The following THADA variants were observed in gnomAD, a reference collection of about 807,000 sequenced individuals.
The protein encoded by THADA is THADA armadillo repeat containing.
A neutral mutation model predicts 219.8 loss-of-function variants in THADA; 213 were observed. That is an observed-to-expected ratio of 0.97 (90% CI 0.87 to 1.09). The LOEUF is 1.09. Among genes scored for constraint, THADA ranks in the 50% least tolerant of loss-of-function variants. The probability of loss-of-function intolerance (pLI) is 0.00; values close to 1 mark genes in which losing one functional copy is unlikely to be tolerated. For synonymous variants in THADA, 1,018 were observed against 828.9 expected, an observed-to-expected ratio of 1.23 and a Z score of -3.92; for missense variants, 2,956 against 2,311.3, an observed-to-expected ratio of 1.28 and a Z score of -5.72.
At chr2:43,417,037 CTTTTT>C (rs67993873) in intron 28 of THADA, among the ~76,000 whole-genome samples, 1 of 93,778 alleles carries the variant, frequency 1.1e-5, no homozygotes, top group Non-Finnish European at 2.1e-5. Flanking sequence ...TGGCTGTTTT[CTTTTT>C]TTTTTTTTTT....
intron 21 of THADA, among the ~76,000 whole-genome samples, chr2:43,540,261 G>A (rs868668539): frequency 3.3e-5 from 5 of 152,218 alleles, no homozygotes; most frequent in Non-Finnish European, 7.3e-5. Context: ...GAAATGTCCT[G>A]TGCGCCTTTG....
intron 31 of THADA, among the ~76,000 whole-genome samples, chr2:43,295,685 C>G (rs941567466): frequency 6.6e-6 from 1 of 151,974 alleles, no homozygotes; most frequent in African/African-American, 2.4e-5. Context: ...TTCTAGAAAA[C>G]TAACATAAAC....
At chr2:43,364,187 C>T (rs975851212) in intron 29 of THADA, among the ~76,000 whole-genome samples, 4 of 152,038 alleles carry the variant, frequency 2.6e-5, no homozygotes, top group Non-Finnish European at 5.9e-5. Flanking sequence ...TCTGCTGCTG[C>T]ACTCCAGCCT....
At chr2:43,369,989 T>C (rs953325934) in intron 29 of THADA, 2 of 152,238 alleles carry the variant, frequency 1.3e-5, no homozygotes, top group African/African-American at 2.4e-5. Flanking sequence ...GAAGAATTTA[T>C]ACTGCTTTAC....
chr2:43,470,847 T>C (rs1684827109), intron 26 of THADA, among the ~76,000 whole-genome samples: 1 of 152,226 alleles, frequency 6.6e-6, no homozygotes, highest in African/African-American at 2.4e-5. Flanking sequence ...TAGACTTAGC[T>C]AACCTGTAAA....
rs144240249 is a variant in THADA at position 43,314,620 on chromosome 2, T to C, written c.4438+5826A>G. On this transcript the variant is annotated intron_variant, in intron 31 of 37. Transcript: ENST00000405975. ...AGCAAATAATTTAAGATGGGTTTAA[T>C]ATAAGAATTAAAGCTCTCGTCTCCA... Among the ~76,000 whole-genome samples the C allele has an allele frequency of 2.9e-3, 444 of 152,352 alleles. 3 individuals are homozygous for C. Among genetic ancestry groups the C allele is most frequent in the African/African-American group, 9.6e-3 (398 of 41,588 alleles).
rs780476875 is a variant in THADA at position 43,293,017 on chromosome 2, G to C, written c.4635C>G (p.Phe1545Leu). The C allele has an allele frequency of 2.5e-6, 4 of 1,614,026 alleles. No individual in the cohort carries two copies. Among genetic ancestry groups the C allele is most frequent in the Non-Finnish European group, 2.5e-6 (3 of 1,179,896 alleles). Residue 1545 changes from phenylalanine (F) to leucine (L), a missense_variant, in exon 32 of 38, where the codon TTC (phenylalanine) becomes TTG (leucine). Coordinates refer to ENST00000405975, the MANE Select transcript of THADA (RefSeq NM_022065.5). ...GERETNVPIS[F>L]SQLLESAFPE... ...GGAAGGCAGATTCTAACAGCTGAGA[G>C]AAAGAGATGGGGACATTCGTCTCCC... is the stretch of plus-strand genomic sequence containing the variant.
At chr2:43,280,140 G>A (rs1474121801) in intron 35 of THADA, among the ~76,000 whole-genome samples, 3 of 152,166 alleles carry the variant, frequency 2.0e-5, no homozygotes, top group Non-Finnish European at 4.4e-5. Flanking sequence ...GGCAACCAGC[G>A]CTAGGCAAGG....
chr2:43,377,297 T>G (rs1280530808), intron 29 of THADA, among the ~76,000 whole-genome samples: 1 of 152,240 alleles, frequency 6.6e-6, no homozygotes, highest in Admixed American at 6.5e-5. Context: ...GGGATCAACC[T>G]GATAACTAAT....
chr2:43,302,673 C>T (rs1251016326), intron 31 of THADA, among the ~76,000 whole-genome samples: 1 of 151,994 alleles, frequency 6.6e-6, no homozygotes, highest in Non-Finnish European at 1.5e-5. Flanking sequence ...TCTATTATCA[C>T]TTCATGAAAG....
intron 26 of THADA, among the ~76,000 whole-genome samples, chr2:43,453,494 T>C (rs1388284892): frequency 6.6e-6 from 1 of 152,240 alleles, no homozygotes; most frequent in Non-Finnish European, 1.5e-5. Flanking sequence ...AACTCATTAT[T>C]GCTATTATTA....
At chr2:43,512,692 G>C (rs1690649580) in intron 22 of THADA, among the ~76,000 whole-genome samples, 1 of 152,152 alleles carries the variant, frequency 6.6e-6, no homozygotes, top group Non-Finnish European at 1.5e-5. Flanking sequence ...AGTAGAGATG[G>C]GGTTTCCCCA....
At chr2:43,406,527 G>A (rs1675553433) in intron 28 of THADA, among the ~76,000 whole-genome samples, 2 of 152,172 alleles carry the variant, frequency 1.3e-5, no homozygotes, top group South Asian at 4.2e-4. Context: ...TTAGACAGCT[G>A]AGAAGAAGAT....
At chr2:43,292,306 T>C in intron 32 of THADA, 84 bp from the exon 33 acceptor site, 1 of 877,904 alleles carries the variant, frequency 1.1e-6, no homozygotes, top group Non-Finnish European at 1.7e-6. Flanking sequence ...ATCAATTGTA[T>C]CAACAAGAGG....
intron 31 of THADA, among the ~76,000 whole-genome samples, chr2:43,304,678 T>TC (rs1676647182): frequency 6.6e-6 from 1 of 151,656 alleles, no homozygotes. Context: ...ACTTCATTTT[T>TC]TTTTTTTTTT....
At chr2:43,518,757 A>T (rs1422887421) in intron 22 of THADA, among the ~76,000 whole-genome samples, 2 of 152,006 alleles carry the variant, frequency 1.3e-5, no homozygotes, top group Admixed American at 6.6e-5. Flanking sequence ...AGCTTCATCT[A>T]TTTCCTCTGT....
chr2:43,572,554 T>C (rs1378151897), intron 12 of THADA, among the ~76,000 whole-genome samples: 1 of 152,202 alleles, frequency 6.6e-6, no homozygotes, highest in African/African-American at 2.4e-5. Flanking sequence ...TAAGGGCACA[T>C]GATGGCATGC....
intron 1 of THADA, chr2:43,592,879 G>A (rs1036567625): frequency 1.3e-5 from 2 of 152,344 alleles, no homozygotes; most frequent in Non-Finnish European, 1.5e-5. Flanking sequence ...AGGTACTACC[G>A]TGTCCTGATT....
At position 43,414,246 on chromosome 2, in the gene THADA, C is replaced by G. The variant is rs146828874; in HGVS notation, c.4058+13854G>C. 4.6e-5 allele frequency among the ~76,000 whole-genome samples: 7 copies of G among 152,268 alleles called. No homozygotes were observed. The East Asian group carries it at 1.4e-3, about 29-fold the overall frequency. ...TTTTGTTGTGGTAAAACACACATAACCTAAAATTTACCATTTTAACCATTT... is the reference window on the plus strand; with the variant it reads ...TTTTGTTGTGGTAAAACACACATAAGCTAAAATTTACCATTTTAACCATTT... On this transcript the variant is annotated intron_variant, in intron 28 of 37. Transcript: ENST00000405975.
Sources: allele counts gnomAD v4.1 joint callset (sites outside exome capture counted in the v4.1 genomes callset), GRCh38; gene constraint gnomAD v4.1.1; transcripts MANE v1.5; gene names NCBI Gene and HGNC (gene_info 2026-07-23, HGNC 2026-07-21).